The following FSTL5 variants were observed in gnomAD, a reference collection of about 807,000 sequenced individuals.
FSTL5 encodes the protein follistatin-related protein 5.
A neutral mutation model predicts 89.1 loss-of-function variants in FSTL5; 62 were observed. That is an observed-to-expected ratio of 0.70 (90% CI 0.57 to 0.86). The LOEUF is 0.86. FSTL5 is among the 40% of genes least tolerant of loss of function. The pLI is 0.00. For synonymous variants in FSTL5, 383 were observed against 346.2 expected, an observed-to-expected ratio of 1.11 and a Z score of -1.18; for missense variants, 1,057 against 1,001.6, an observed-to-expected ratio of 1.06 and a Z score of -0.75.
chr4:161,544,889 T>C (rs1731954767), intron 8 of FSTL5, among the ~76,000 whole-genome samples: 1 of 152,004 alleles, frequency 6.6e-6, no homozygotes, highest in South Asian at 2.1e-4. Context: ...AATAATTTTC[T>C]TTATAAAAGT....
intron 7 of FSTL5, among the ~76,000 whole-genome samples, chr4:161,655,483 T>C (rs575886447): frequency 1.5e-3 from 231 of 152,256 alleles, no homozygotes; most frequent in African/African-American, 5.3e-3. Context: ...ATGCCAGTCA[T>C]ACAAATCTGT....
intron 3 of FSTL5, among the ~76,000 whole-genome samples, chr4:162,015,552 C>T (rs1431355022): frequency 1.3e-5 from 2 of 152,148 alleles, no homozygotes; most frequent in Non-Finnish European, 2.9e-5. Context: ...AAGAACCTTG[C>T]AGTGTAATGG....
intron 7 of FSTL5, among the ~76,000 whole-genome samples, chr4:161,612,675 T>C (rs1336533566): frequency 6.6e-6 from 1 of 152,176 alleles, no homozygotes; most frequent in Non-Finnish European, 1.5e-5. Flanking sequence ...AGTGAGGCCA[T>C]GTTGACGCTA....
intron 1 of FSTL5, among the ~76,000 whole-genome samples, chr4:162,138,551 G>A (rs928721076): frequency 6.6e-6 from 1 of 151,936 alleles, no homozygotes; most frequent in Non-Finnish European, 1.5e-5. Flanking sequence ...TACTTACTGA[G>A]ATAAATTTTA....
intron 3 of FSTL5, among the ~76,000 whole-genome samples, chr4:161,949,191 T>C (rs1004969618): frequency 1.3e-5 from 2 of 152,084 alleles, no homozygotes; most frequent in Non-Finnish European, 2.9e-5. Context: ...ATTTTCTCCT[T>C]TGGCTGTCAT....
intron 4 of FSTL5, among the ~76,000 whole-genome samples, chr4:161,797,270 T>G (rs1560851615): frequency 6.6e-6 from 1 of 151,628 alleles, no homozygotes; most frequent in Non-Finnish European, 1.5e-5. Context: ...TTAGCAAAGA[T>G]GTTCTGCTAT....
At chr4:161,539,089 T>C (rs772979065) in intron 9 of FSTL5, among the ~76,000 whole-genome samples, 1 of 152,118 alleles carries the variant, frequency 6.6e-6, no homozygotes, top group Non-Finnish European at 1.5e-5. Flanking sequence ...GTGTTTGTTA[T>C]AGTCATTTGT....
intron 10 of FSTL5, among the ~76,000 whole-genome samples, chr4:161,517,109 G>A (rs1045584416): frequency 5.9e-5 from 9 of 151,976 alleles, no homozygotes; most frequent in Non-Finnish European, 2.9e-5. Context: ...GACTGGTCTC[G>A]AACTCTTGAC....
intron 6 of FSTL5, among the ~76,000 whole-genome samples, chr4:161,727,148 T>C (rs1739453127): frequency 6.6e-6 from 1 of 152,266 alleles, no homozygotes; most frequent in Middle Eastern, 3.4e-3. Context: ...AATGTGAAAA[T>C]TGCAATGGCT....
intron 4 of FSTL5, among the ~76,000 whole-genome samples, chr4:161,834,956 A>G (rs530739869): frequency 6.7e-6 from 1 of 148,782 alleles, no homozygotes; most frequent in East Asian, 1.9e-4. Flanking sequence ...AAACTACTTT[A>G]AAGTTCATAT....
chr4:162,116,076 C>T (rs964729895), intron 1 of FSTL5, among the ~76,000 whole-genome samples: 31 of 152,128 alleles, frequency 2.0e-4, no homozygotes, highest in Non-Finnish European at 2.9e-5. Context: ...GTTAAGTATC[C>T]TCACCTGCCT....
rs1242099978 is a variant in FSTL5 at position 161,981,738 on chromosome 4, G to A, written c.160+51887C>T. ...TTTTGCCTTTTGGTTCTTGGACTTTGCCTTCAATTTAATATTTTAGTGTTT... is the reference window on the plus strand; with the variant it reads ...TTTTGCCTTTTGGTTCTTGGACTTTACCTTCAATTTAATATTTTAGTGTTT... On this transcript the variant is annotated intron_variant, in intron 3 of 15. Transcript: ENST00000306100. Among the ~76,000 whole-genome samples, 3 of 152,020 alleles carry A rather than the reference G, an allele frequency of 2.0e-5. 1 individual carries two copies. The highest frequency in any genetic ancestry group is 7.2e-5 in the African/African-American group (3 of 41,394).
At chr4:161,760,362 G>A (rs916212566) in intron 5 of FSTL5, among the ~76,000 whole-genome samples, 2 of 152,132 alleles carry the variant, frequency 1.3e-5, no homozygotes, top group Admixed American at 6.5e-5. Flanking sequence ...CAAAGGCAGG[G>A]ATTTATACTG....
intron 2 of FSTL5, among the ~76,000 whole-genome samples, chr4:162,034,160 A>G (rs1453258526): frequency 6.6e-6 from 1 of 152,084 alleles, no homozygotes; most frequent in Non-Finnish European, 1.5e-5. Flanking sequence ...ATTCTCTAAG[A>G]AATCACTAAA....
chr4:162,109,291 G>A (rs1007501587), intron 2 of FSTL5, among the ~76,000 whole-genome samples: 11 of 151,972 alleles, frequency 7.2e-5, no homozygotes, highest in Non-Finnish European at 1.2e-4. Context: ...AGTGTAAGAT[G>A]GGGTTTTTAC....
At chr4:161,453,461 T>G (rs1207925596) in intron 15 of FSTL5, among the ~76,000 whole-genome samples, 2 of 152,154 alleles carry the variant, frequency 1.3e-5, no homozygotes, top group African/African-American at 4.8e-5. Flanking sequence ...GACAGCATCT[T>G]AAGTGGTACC....
chr4:161,545,187 A>G (rs1332376647), intron 8 of FSTL5, among the ~76,000 whole-genome samples: 1 of 152,080 alleles, frequency 6.6e-6, no homozygotes, highest in Non-Finnish European at 1.5e-5. Context: ...GAGGAATGGC[A>G]GAATCAGTAC....
At chr4:161,625,538 ACTTCAT>A (rs2126650535) in intron 7 of FSTL5, among the ~76,000 whole-genome samples, 1 of 152,202 alleles carries the variant, frequency 6.6e-6, no homozygotes, top group African/African-American at 2.4e-5. Context: ...ACTGGCCAAT[ACTTCAT>A]CTCTCTCACT....
At chr4:161,622,966 GA>G (rs1161847367) in intron 7 of FSTL5, among the ~76,000 whole-genome samples, 2 of 152,006 alleles carry the variant, frequency 1.3e-5, no homozygotes, top group Non-Finnish European at 2.9e-5. Context: ...TTTTATCCAG[GA>G]AGCCAAGGTT....
Sources: allele counts gnomAD v4.1 joint callset (sites outside exome capture counted in the v4.1 genomes callset), GRCh38; gene constraint gnomAD v4.1.1; transcripts MANE v1.5; gene names NCBI Gene and HGNC (gene_info 2026-07-23, HGNC 2026-07-21).